CPNE8: variants seen among roughly 807,000 people sequenced by gnomAD.
CPNE8 encodes copine 8.
A neutral mutation model predicts 81.5 loss-of-function variants in CPNE8; 45 were observed. That is an observed-to-expected ratio of 0.55 (90% CI 0.44 to 0.71). The LOEUF (loss-of-function observed/expected upper bound fraction) is 0.71. Ranked by LOEUF, CPNE8 falls within the 30% of genes least tolerant of loss-of-function variation. CPNE8 has a pLI of 0.00. For synonymous variants in CPNE8, 252 were observed against 226.3 expected (o/e 1.11, Z -1.02); for missense variants, 594 against 672.1 (o/e 0.88, Z 1.28).
intron 5 of CPNE8, among the ~76,000 whole-genome samples, chr12:38,832,163 C>A (rs1211067808): frequency 6.6e-6 from 1 of 152,130 alleles, no homozygotes; most frequent in African/African-American, 2.4e-5. Flanking sequence ...AGCTGATTGG[C>A]CAGAACTCCA....
In CPNE8 at chr12:38,845,682, AT is replaced by A. The variant is rs1227515889; in HGVS notation, c.290+2876del. 3.9e-5 allele frequency among the ~76,000 whole-genome samples: 6 copies of A among 152,146 alleles called. 1 individual carries two copies. The highest frequency in any genetic ancestry group is 3.9e-4 in the Admixed American group (6 of 15,268). ...TAGATATCCTGAAGAAATCACAAAAATAATAATGATGATAATAATAATAAGC... is the reference window on the plus strand; with the variant it reads ...TAGATATCCTGAAGAAATCACAAAAAAATAATGATGATAATAATAATAAGC... On this transcript the variant is annotated intron_variant, in intron 4 of 19. Coordinates refer to ENST00000331366, the MANE Select transcript of CPNE8 (RefSeq NM_153634.3).
intron 5 of CPNE8, among the ~76,000 whole-genome samples, chr12:38,838,879 T>C (rs1943425499): frequency 6.6e-6 from 1 of 152,112 alleles, no homozygotes; most frequent in Non-Finnish European, 1.5e-5. Context: ...CCAAATCTGT[T>C]TCCTAGCTCG....
At chr12:38,826,601 G>T (rs1943197407) in intron 6 of CPNE8, among the ~76,000 whole-genome samples, 1 of 152,060 alleles carries the variant, frequency 6.6e-6, no homozygotes, top group Non-Finnish European at 1.5e-5. Flanking sequence ...CTCTTAGCAA[G>T]AATTTATTTT....
rs552524595 is a variant in CPNE8, at chr12:38,867,077, T to C, written c.186+5927A>G. Among the ~76,000 whole-genome samples, 7 of 152,246 alleles carry C rather than the reference T, an allele frequency of 4.6e-5. No homozygotes were observed. The East Asian group carries it at 1.4e-3, about 29-fold the overall frequency. ...TTTCACCATGTTGGCCAGGCTGGTC[T>C]CTAACTCCTGACCTCAGGTGACCTG... On this transcript the variant is annotated intron_variant, in intron 3 of 19. Coordinates refer to ENST00000331366, the MANE Select transcript of CPNE8 (RefSeq NM_153634.3).
intron 7 of CPNE8, among the ~76,000 whole-genome samples, chr12:38,775,080 A>C (rs1488301162): frequency 6.6e-6 from 1 of 151,324 alleles, no homozygotes; most frequent in African/African-American, 2.5e-5. Context: ...TATCTCAACT[A>C]TCTATCTATC....
chr12:38,673,253 G>A (rs534358189), intron 18 of CPNE8, among the ~76,000 whole-genome samples: 57 of 152,256 alleles, frequency 3.7e-4, no homozygotes, highest in Middle Eastern at 3.4e-3. Context: ...GTGGAACTGT[G>A]AGTCAATTAG....
chr12:38,818,197 C>T (rs1336446992), intron 6 of CPNE8, among the ~76,000 whole-genome samples: 2 of 151,974 alleles, frequency 1.3e-5, no homozygotes, highest in Non-Finnish European at 2.9e-5. Flanking sequence ...AGGTTTGTTA[C>T]ACGGTGGTTT....
intron 6 of CPNE8, among the ~76,000 whole-genome samples, chr12:38,805,467 C>G (rs1389360336): frequency 1.1e-5 from 1 of 92,544 alleles, no homozygotes; most frequent in Non-Finnish European, 2.2e-5. Flanking sequence ...ACAATGAGAT[C>G]ACATGGACAC....
At chr12:38,891,359 C>A (rs1051318069) in intron 1 of CPNE8, among the ~76,000 whole-genome samples, 1 of 151,756 alleles carries the variant, frequency 6.6e-6, no homozygotes, top group African/African-American at 2.4e-5. Context: ...CTTTGTAGAA[C>A]GTTATATAAA....
At chr12:38,654,101 C>T (rs1938765550) in intron 19 of CPNE8, 31 bp from the exon 20 acceptor site, 1 of 1,560,976 alleles carries the variant, frequency 6.4e-7, no homozygotes, top group Non-Finnish European at 8.7e-7. Flanking sequence ...AGTTATTTCA[C>T]AGACTTTAGC....
rs557194605 is a variant in CPNE8 at position 38,785,357 on chromosome 12, TA to T, written c.408-9057del. Among the ~76,000 whole-genome samples, 260 of 141,058 alleles carry T rather than the reference TA, an allele frequency of 1.8e-3. 1 individual carries two copies. Among genetic ancestry groups the T allele is most frequent in the Middle Eastern group, 7.4e-3 (2 of 272 alleles). The allele number at this position is 141,058 out of a possible 152,430, so 92.5% of individuals were successfully genotyped here. ...GTAGAAAGACTAAAAAATTAACCAA[TA>T]AAAAAAAAAAACATGATATGGTTTG... On this transcript the variant is annotated intron_variant, in intron 6 of 19. Transcript: ENST00000331366.
chr12:38,660,680 C>A (rs554277410), intron 19 of CPNE8, among the ~76,000 whole-genome samples: 1 of 152,216 alleles, frequency 6.6e-6, no homozygotes, highest in South Asian at 2.1e-4. Context: ...AACAGGCAGC[C>A]TACAGAATGG....
intron 15 of CPNE8, among the ~76,000 whole-genome samples, chr12:38,689,515 G>T (rs1206305117): frequency 6.6e-6 from 1 of 152,194 alleles, no homozygotes; most frequent in African/African-American, 2.4e-5. Context: ...AAAGCTGAGA[G>T]AATTCTTCCT....
intron 3 of CPNE8, among the ~76,000 whole-genome samples, chr12:38,864,493 C>G (rs1298673516): frequency 6.6e-6 from 1 of 152,076 alleles, no homozygotes; most frequent in Non-Finnish European, 1.5e-5. Context: ...AAAGCTCATG[C>G]CATCAGCACT....
chr12:38,700,357 G>T lies in CPNE8; in HGVS notation c.961+2518C>A, dbSNP rs186385581. Among the ~76,000 whole-genome samples, 4 of 150,712 alleles carry T rather than the reference G, an allele frequency of 2.7e-5. No individual in the cohort carries two copies. In the East Asian group the frequency reaches 7.9e-4, roughly 30 times the overall value. ...AGGTTCAAGCGATTCTCCTGTCTCA[G>T]CCTCCCTAGTAGCTGGGATTACAGG... On this transcript the variant is annotated intron_variant, in intron 14 of 19. Transcript: ENST00000331366.
intron 5 of CPNE8, among the ~76,000 whole-genome samples, chr12:38,833,565 A>G (rs1185829385): frequency 7.1e-6 from 1 of 141,456 alleles, no homozygotes; most frequent in Admixed American, 7.6e-5. Flanking sequence ...TGCAAGCTCC[A>G]CTTCCTGGGT....
chr12:38,823,661 C>T (rs192886599), intron 6 of CPNE8, among the ~76,000 whole-genome samples: 25 of 152,188 alleles, frequency 1.6e-4, no homozygotes, highest in African/African-American at 6.0e-4. Context: ...TTATATGGAA[C>T]CACTCATGCC....
intron 6 of CPNE8, among the ~76,000 whole-genome samples, chr12:38,788,782 G>A (rs895049228): frequency 1.8e-4 from 28 of 151,716 alleles, no homozygotes; most frequent in African/African-American, 5.8e-4. Context: ...TAAAATCAAC[G>A]TAAAAATCAG....
At chr12:38,663,503 G>A (rs1431122668) in intron 19 of CPNE8, among the ~76,000 whole-genome samples, 1 of 151,858 alleles carries the variant, frequency 6.6e-6, no homozygotes, top group Non-Finnish European at 1.5e-5. Context: ...AGACAAAAAT[G>A]TCAAATATTG....
Sources: gnomAD v4.1 joint callset for allele counts (sites outside exome capture counted in the v4.1 genomes callset) on GRCh38, gnomAD v4.1.1 for gene constraint, MANE v1.5 for transcripts, NCBI Gene and HGNC (gene_info 2026-07-23, HGNC 2026-07-21) for gene names.